The following CCDC157 variants were observed in gnomAD, a reference collection of about 807,000 sequenced individuals.
CCDC157 encodes the protein coiled-coil domain containing 157.
Under a neutral mutation model 70.9 loss-of-function variants are expected in CCDC157, and 60 were observed. The ratio of observed to expected loss-of-function variants is 0.85; its 90% CI spans 0.69 to 1.05. The LOEUF (loss-of-function observed/expected upper bound fraction) is 1.05, where lower values mean the gene tolerates loss of function less well. Ranked by LOEUF, CCDC157 falls within the 50% of genes least tolerant of loss-of-function variation. The probability of loss-of-function intolerance (pLI) is 0.00; values close to 1 mark genes in which losing one functional copy is unlikely to be tolerated. For synonymous variants in CCDC157, 373 were observed against 422.4 expected, an observed-to-expected ratio of 0.88 and a Z score of 1.43; for missense variants, 943 against 984.2, an observed-to-expected ratio of 0.96 and a Z score of 0.56.
intron 10 of CCDC157, 48 bp downstream of exon 10, chr22:30,375,711 C>T: frequency 6.6e-7 from 1 of 1,523,782 alleles, no homozygotes; most frequent in Non-Finnish European, 8.9e-7. Flanking sequence ...AAGCCCCTAT[C>T]CAGCAGCAGG....
chr22:30,362,637 G>A (rs986128271), intron 2 of CCDC157, among the ~76,000 whole-genome samples: 1 of 152,194 alleles, frequency 6.6e-6, no homozygotes, highest in African/African-American at 2.4e-5. Flanking sequence ...GGACCAGGTG[G>A]TACAGGGCAG....
chr22:30,373,366 G>A (rs1284887711), intron 7 of CCDC157: 3 of 555,120 alleles, frequency 5.4e-6, no homozygotes, highest in Non-Finnish European at 9.6e-6. Context: ...AAGGGCCGGG[G>A]TCTTCAAGCT....
intron 6 of CCDC157, 72 bp from the exon 7 acceptor site, chr22:30,372,003 C>T: frequency 9.6e-7 from 1 of 1,036,656 alleles, no homozygotes. Flanking sequence ...GGGATGTGAG[C>T]TCCCGTCCTA....
intron 1 of CCDC157, among the ~76,000 whole-genome samples, chr22:30,361,357 A>G (rs1264614965): frequency 3.3e-5 from 5 of 152,004 alleles, no homozygotes; most frequent in African/African-American, 1.2e-4. Context: ...TCCCTATGTG[A>G]CATTGCTTCC....
chr22:30,372,611 A>C, intron 7 of CCDC157: 2 of 256,308 alleles, frequency 7.8e-6, no homozygotes, highest in Non-Finnish European at 7.5e-6. Flanking sequence ...GGAATCCAGA[A>C]TGGCTTCTAG....
chr22:30,365,354 CTA>C (rs1932650029), intron 2 of CCDC157, among the ~76,000 whole-genome samples: 1 of 138,398 alleles, frequency 7.2e-6, no homozygotes, highest in Non-Finnish European at 1.6e-5. Context: ...GGAGGGGAGA[CTA>C]TGGGGTAGAG....
intron 2 of CCDC157, among the ~76,000 whole-genome samples, chr22:30,362,756 G>A (rs1932436218): frequency 6.6e-6 from 1 of 152,174 alleles, no homozygotes; most frequent in Admixed American, 6.5e-5. Flanking sequence ...TGGTCTCGAT[G>A]TAGGATTGGC....
intron 6 of CCDC157, 23 bp downstream of exon 6, chr22:30,371,750 C>T (rs746502360): frequency 6.3e-7 from 1 of 1,581,388 alleles, no homozygotes; most frequent in Non-Finnish European, 8.7e-7. Flanking sequence ...ATCATAGGCC[C>T]CCATGCCACA....
intron 1 of CCDC157, among the ~76,000 whole-genome samples, 169 bp downstream of exon 1, chr22:30,357,301 G>A (rs958225369): frequency 1.3e-5 from 2 of 152,162 alleles, no homozygotes; most frequent in Non-Finnish European, 1.5e-5. Context: ...CACCGCCTAA[G>A]AGCCCCACTT....
At chr22:30,369,888 A>C (rs548100366) in intron 4 of CCDC157, 2 of 462,306 alleles carry the variant, frequency 4.3e-6, no homozygotes, top group African/African-American at 1.9e-5. Flanking sequence ...AACGGAGGTC[A>C]TGTGACCCCT....
chr22:30,364,097 A>G (rs951582790), intron 2 of CCDC157, among the ~76,000 whole-genome samples: 1 of 152,120 alleles, frequency 6.6e-6, no homozygotes, highest in African/African-American at 2.4e-5. Flanking sequence ...GAAGTTTGAG[A>G]CCAGCCTGGG....
At position 30,369,461 on chromosome 22, in the gene CCDC157, G is replaced by A. The variant is rs2145910711; in HGVS notation, c.278G>A (p.Ser93Asn). Residue 93 changes from serine to asparagine, a missense_variant, in exon 4 of 12, where the codon AGC becomes AAC. Physicochemically the swap from Ser to Asn is conservative, Grantham distance 46. Transcript: ENST00000338306. ...CTGCTGCTGCTTCAAAGCTGTATGA[G>A]CTACTTGGAGAACCTTGGCTCAGAG... ...RLLLLLQSCM[S>N]YLENLGSEQM... The A allele has an allele frequency of 6.4e-7, 1 of 1,555,552 alleles. No homozygotes were observed.
rs751001447 is a variant in CCDC157, at chr22:30,367,775, G to A, written c.248+1527G>A. ...AAATGCCTTAAAAATGGTCAGGTGCGTTGGCTCACGTCTGTAATCCCAGCA... is the reference window on the plus strand; with the variant it reads ...AAATGCCTTAAAAATGGTCAGGTGCATTGGCTCACGTCTGTAATCCCAGCA... On this transcript the variant is annotated intron_variant, in intron 3 of 11. Transcript: ENST00000338306. 3.3e-5 allele frequency among the ~76,000 whole-genome samples: 5 copies of A among 152,088 alleles called. No homozygotes were observed. The East Asian group carries it at 5.8e-4, about 18-fold the overall frequency.
chr22:30,368,303 G>A (rs1183242773), intron 3 of CCDC157, among the ~76,000 whole-genome samples: 1 of 152,174 alleles, frequency 6.6e-6, no homozygotes, highest in Non-Finnish European at 1.5e-5. Context: ...TCTGCTAGGA[G>A]TGTCCTGCCC....
intron 2 of CCDC157, among the ~76,000 whole-genome samples, chr22:30,364,061 C>T (rs527414334): frequency 1.3e-3 from 191 of 152,090 alleles, no homozygotes; most frequent in Non-Finnish European, 2.3e-3. Context: ...GAGGCCAAGC[C>T]TTTCAGAGAG....
At position 30,374,002 on chromosome 22, in the gene CCDC157, TA is replaced by T; in HGVS notation, c.1584del (p.Glu529AsnfsTer7). The T allele has an allele frequency of 6.2e-7, 1 of 1,612,598 alleles. No individual in the cohort carries two copies. The highest frequency in any genetic ancestry group is 1.1e-5 in the South Asian group (1 of 90,648). On this transcript the variant is annotated frameshift_variant, in exon 9 of 12. Coordinates refer to ENST00000338306, the MANE Select transcript of CCDC157 (RefSeq NM_001017437.5). LOFTEE classifies it high-confidence loss of function. ...TTDLRLTILE[L>X]ERELEELKER... ...GACCTGCGGCTAACCATCCTGGAGCTAGAACGGGAGCTGGAGGAGCTGAAGG... is the reference window on the plus strand; with the variant it reads ...GACCTGCGGCTAACCATCCTGGAGCTGAACGGGAGCTGGAGGAGCTGAAGG...
At chr22:30,371,923 A>G in intron 6 of CCDC157, 152 bp from the exon 7 acceptor site, 1 of 743,316 alleles carries the variant, frequency 1.3e-6, no homozygotes, top group Non-Finnish European at 2.2e-6. Context: ...AGCGCCTTCT[A>G]TTTTCCAAAC....
In CCDC157 at chr22:30,369,413, C is replaced by G; in HGVS notation, c.249-19C>G. 6.7e-7 allele frequency: 1 copy of G among 1,488,706 alleles called. No individual in the cohort carries two copies. Among genetic ancestry groups the G allele is most frequent in the Non-Finnish European group, 9.0e-7 (1 of 1,112,580 alleles). 92.2% of individuals were successfully genotyped at this position (1,488,706 alleles called of 1,614,324 possible). A position where few individuals can be genotyped will look rare whatever the true frequency, so the allele number is the denominator to read the frequency against. ...TAGCACCAGCCTGGGCCCCAGCAACCTAGCATCTCTGCCCGCAGGCTCCTG... is the reference window on the plus strand; with the variant it reads ...TAGCACCAGCCTGGGCCCCAGCAACGTAGCATCTCTGCCCGCAGGCTCCTG... On this transcript the variant is annotated intron_variant, in intron 3 of 11. Transcript: ENST00000338306.
At chr22:30,376,186 C>CGACA in intron 10 of CCDC157, 73 bp from the exon 11 acceptor site, 1 of 1,405,620 alleles carries the variant, frequency 7.1e-7, no homozygotes. Context: ...TCCCTGGCTA[C>CGACA]GACACCCTCT....
Sources: allele counts gnomAD v4.1 joint callset (sites outside exome capture counted in the v4.1 genomes callset), GRCh38; gene constraint gnomAD v4.1.1; transcripts MANE v1.5; gene names NCBI Gene and HGNC (gene_info 2026-07-23, HGNC 2026-07-21).